The following GFOD1 variants were observed in gnomAD, a reference collection of about 807,000 sequenced individuals.
The protein encoded by GFOD1 is Gfo/Idh/MocA-like oxidoreductase domain containing 1.
A neutral mutation model predicts 25.4 loss-of-function variants in GFOD1; 9 were observed. The observed-to-expected ratio is 0.35, with a 90% CI of 0.21 to 0.62. GFOD1 has a LOEUF of 0.62. Ranked by LOEUF, GFOD1 falls within the 20% of genes least tolerant of loss-of-function variation. The pLI is 0.72. For synonymous variants in GFOD1, 253 were observed against 245.6 expected, an observed-to-expected ratio of 1.03 and a Z score of -0.28; for missense variants, 403 against 556.9, an observed-to-expected ratio of 0.72 and a Z score of 2.78.
chr6:13,388,087 C>A (rs1221465198), intron 1 of GFOD1, among the ~76,000 whole-genome samples: 1 of 152,198 alleles, frequency 6.6e-6, no homozygotes, highest in African/African-American at 2.4e-5. Context: ...AGGAGAACTA[C>A]AAACCACTGC....
At chr6:13,388,437 A>G (rs1285322557) in intron 1 of GFOD1, among the ~76,000 whole-genome samples, 1 of 152,192 alleles carries the variant, frequency 6.6e-6, no homozygotes, top group Non-Finnish European at 1.5e-5. Context: ...GGAACAGAAC[A>G]GAGGCCTCAG....
chr6:13,486,677 G>A lies in GFOD1; in HGVS notation c.214C>T (p.Pro72Ser), dbSNP rs759140154. 2 of 1,614,006 alleles carry A rather than the reference G, an allele frequency of 1.2e-6. No homozygotes were observed. The highest frequency in any genetic ancestry group is 1.7e-6 in the Non-Finnish European group (2 of 1,180,014). Residue 72 changes from proline (P) to serine (S), a missense_variant, in exon 1 of 2, where the codon CCG becomes TCG. Transcript: ENST00000379287. ...QDVDLVCINL[P>S]PPLTRQIAVK... ...GCGATCTGTCTGGTGAGGGGCGGCG[G>A]CAGGTTAATGCACACCAAGTCCACG...
intron 1 of GFOD1, among the ~76,000 whole-genome samples, chr6:13,411,394 T>A (rs1786075323): frequency 6.6e-6 from 1 of 152,226 alleles, no homozygotes; most frequent in East Asian, 1.9e-4. Flanking sequence ...TGTGTTCAAG[T>A]GATTCTCCTG....
chr6:13,377,842 T>C (rs1176070885), intron 1 of GFOD1, among the ~76,000 whole-genome samples: 1 of 152,142 alleles, frequency 6.6e-6, no homozygotes, highest in Non-Finnish European at 1.5e-5. Flanking sequence ...AAACTCTCTT[T>C]GTTTCTGAGT....
chr6:13,387,706 A>G (rs1785505089), intron 1 of GFOD1, among the ~76,000 whole-genome samples: 2 of 152,232 alleles, frequency 1.3e-5, no homozygotes, highest in African/African-American at 4.8e-5. Flanking sequence ...GAAAACTGGC[A>G]CAAGACAAGG....
intron 1 of GFOD1, among the ~76,000 whole-genome samples, chr6:13,368,893 C>A (rs1233785312): frequency 6.6e-6 from 1 of 152,176 alleles, no homozygotes; most frequent in Non-Finnish European, 1.5e-5. Flanking sequence ...AAATGCAACT[C>A]CACCCTGAGA....
intron 1 of GFOD1, chr6:13,470,274 C>T (rs766011306): frequency 6.3e-7 from 1 of 1,589,974 alleles, no homozygotes; most frequent in African/African-American, 1.3e-5. Context: ...CTCCTGGAAT[C>T]CCCCATGCCA....
At chr6:13,452,107 T>G (rs1373867352) in intron 1 of GFOD1, among the ~76,000 whole-genome samples, 1 of 152,158 alleles carries the variant, frequency 6.6e-6, no homozygotes, top group African/African-American at 2.4e-5. Flanking sequence ...GGGTTCCCTG[T>G]GTCCCTGATT....
At chr6:13,385,626 C>A (rs543688720) in intron 1 of GFOD1, among the ~76,000 whole-genome samples, 1 of 152,198 alleles carries the variant, frequency 6.6e-6, no homozygotes, top group East Asian at 1.9e-4. Context: ...TAGAACTTGC[C>A]AAATTATTCT....
chr6:13,472,671 G>A (rs1758535375), intron 1 of GFOD1, among the ~76,000 whole-genome samples: 1 of 152,128 alleles, frequency 6.6e-6, no homozygotes, highest in African/African-American at 2.4e-5. Context: ...AAGTCTGATG[G>A]GACAGCCTCT....
At position 13,430,393 on chromosome 6, in the gene GFOD1, C is replaced by T. The variant is rs62385764; in HGVS notation, c.253+56245G>A. 0.16 allele frequency among the ~76,000 whole-genome samples: 24,303 copies of T among 152,148 alleles called. 2,175 individuals are homozygous for T. The highest frequency in any genetic ancestry group is 0.32 in the East Asian group (1,641 of 5,176). ...CAGAGGTTGCAGTGATCCGAGATCA[C>T]ACCACTGCACTCCAGCCTGGGTGAC... is the stretch of plus-strand genomic sequence containing the variant. On this transcript the variant is annotated intron_variant, in intron 1 of 1. Coordinates refer to ENST00000379287, the MANE Select transcript of GFOD1 (RefSeq NM_018988.4). This position sits in a 1 kb window ranked among gnomAD's most constrained non-coding sequence, Gnocchi z 4.1.
At chr6:13,440,340 C>T (rs559370769) in intron 1 of GFOD1, among the ~76,000 whole-genome samples, 1 of 152,248 alleles carries the variant, frequency 6.6e-6, no homozygotes, top group South Asian at 2.1e-4. Flanking sequence ...AGGCACCCAC[C>T]ACCACGCTCA....
chr6:13,371,773 G>C (rs1454539658), intron 1 of GFOD1, among the ~76,000 whole-genome samples: 1 of 152,190 alleles, frequency 6.6e-6, no homozygotes, highest in South Asian at 2.1e-4. Flanking sequence ...GGTATGATGG[G>C]TGAGGGTCAC....
intron 1 of GFOD1, among the ~76,000 whole-genome samples, chr6:13,376,292 A>G (rs1785255178): frequency 6.6e-6 from 1 of 152,090 alleles, no homozygotes; most frequent in Non-Finnish European, 1.5e-5. Context: ...GACAGAGGAA[A>G]ATGGCCAGGA....
intron 1 of GFOD1, among the ~76,000 whole-genome samples, chr6:13,476,021 A>G (rs1758616865): frequency 6.6e-6 from 1 of 152,190 alleles, no homozygotes; most frequent in Non-Finnish European, 1.5e-5. Flanking sequence ...ACTGCTCTGG[A>G]AAACAGTTTG....
At chr6:13,410,785 T>C (rs1288634837) in intron 1 of GFOD1, among the ~76,000 whole-genome samples, 1 of 151,548 alleles carries the variant, frequency 6.6e-6, no homozygotes, top group East Asian at 1.9e-4. Context: ...CTGACCAATT[T>C]GGATGGAAGG....
Position 13,364,995 on chromosome 6 carries a change from G to A in GFOD1, c.921C>T (p.Ile307=). ...DIPSPYLRGT[I]KMMQAVRQAF... is the part of the protein sequence containing the mutation. ...CCTGGCGCACCGCCTGCATCATCTT[G>A]ATGGTGCCGCGCAGGTAGGGCGAGG... Residue 307 remains isoleucine, a synonymous_variant, in exon 2 of 2, where the codon ATC becomes ATT. Coordinates refer to ENST00000379287, the MANE Select transcript of GFOD1 (RefSeq NM_018988.4). The surrounding 1 kb of genome is among the most constrained non-coding windows in gnomAD (Gnocchi z 4.1). The A allele has an allele frequency of 6.2e-7, 1 of 1,610,514 alleles. No individual in the cohort carries two copies. The highest frequency in any genetic ancestry group is 8.5e-7 in the Non-Finnish European group (1 of 1,179,872).
chr6:13,483,888 T>A (rs1758809754), intron 1 of GFOD1, among the ~76,000 whole-genome samples: 1 of 152,120 alleles, frequency 6.6e-6, no homozygotes, highest in South Asian at 2.1e-4. Flanking sequence ...CTAATATCTA[T>A]CTTAGAGGAT....
intron 1 of GFOD1, among the ~76,000 whole-genome samples, chr6:13,485,265 T>C (rs1015949053): frequency 6.6e-6 from 1 of 152,212 alleles, no homozygotes; most frequent in Non-Finnish European, 1.5e-5. Flanking sequence ...TTACATTCTG[T>C]TCATAGCTCT....
Sources: gnomAD v4.1 joint callset for allele counts (sites outside exome capture counted in the v4.1 genomes callset) on GRCh38, gnomAD v4.1.1 for gene constraint, Gnocchi (gnomAD v3.1) non-coding constraint, MANE v1.5 for transcripts, NCBI Gene and HGNC (gene_info 2026-07-23, HGNC 2026-07-21) for gene names.